The following LRRTM4 variants were observed in gnomAD, a reference collection of about 807,000 sequenced individuals.
The protein encoded by LRRTM4 is leucine rich repeat transmembrane neuronal 4.
A neutral mutation model predicts 47.6 loss-of-function variants in LRRTM4; 25 were observed. That is an observed-to-expected ratio of 0.53 (90% CI 0.38 to 0.73). The LOEUF (loss-of-function observed/expected upper bound fraction) is 0.73. Among genes scored for constraint, LRRTM4 ranks in the 30% least tolerant of loss-of-function variants. The pLI, the probability that LRRTM4 is intolerant of heterozygous loss-of-function variation, is 0.00. For synonymous variants in LRRTM4, 311 were observed against 269.5 expected, an observed-to-expected ratio of 1.15 and a Z score of -1.51; for missense variants, 638 against 713.4, an observed-to-expected ratio of 0.89 and a Z score of 1.20.
intron 3 of LRRTM4, among the ~76,000 whole-genome samples, chr2:76,856,659 A>G (rs1672160846): frequency 6.6e-6 from 1 of 152,160 alleles, no homozygotes; most frequent in Non-Finnish European, 1.5e-5. Context: ...ATTACTGCTT[A>G]TTTATCAGTA....
intron 3 of LRRTM4, among the ~76,000 whole-genome samples, chr2:77,225,531 T>C (rs1049727399): frequency 6.6e-6 from 1 of 152,028 alleles, no homozygotes. Flanking sequence ...TCCATAAATA[T>C]TAAATTGAGT....
At chr2:77,363,888 A>T (rs1672333830) in intron 3 of LRRTM4, among the ~76,000 whole-genome samples, 1 of 152,138 alleles carries the variant, frequency 6.6e-6, no homozygotes, top group Non-Finnish European at 1.5e-5. Flanking sequence ...TGAAAAGAAA[A>T]ATCTTTAAAC....
At chr2:77,098,728 A>G (rs1445949792) in intron 3 of LRRTM4, among the ~76,000 whole-genome samples, 1 of 151,980 alleles carries the variant, frequency 6.6e-6, no homozygotes, top group Non-Finnish European at 1.5e-5. Flanking sequence ...GATATAATCT[A>G]TGTAACACAT....
At chr2:77,324,819 A>T (rs1023657234) in intron 3 of LRRTM4, among the ~76,000 whole-genome samples, 3 of 152,198 alleles carry the variant, frequency 2.0e-5, no homozygotes, top group Non-Finnish European at 2.9e-5. Context: ...ACAGGCATAC[A>T]GGCAGATTTG....
chr2:77,479,110 G>T (rs984850769), intron 3 of LRRTM4, among the ~76,000 whole-genome samples: 2 of 152,000 alleles, frequency 1.3e-5, no homozygotes, highest in East Asian at 1.9e-4. Flanking sequence ...TGGTCAGGCT[G>T]GTCTCGAACT....
In LRRTM4 at chr2:76,933,410, T is replaced by C. The variant is rs150858408; in HGVS notation, c.1552-184494A>G. 9.9e-3 allele frequency among the ~76,000 whole-genome samples: 1,510 copies of C among 151,908 alleles called. 13 individuals are homozygous for C. Among genetic ancestry groups the C allele is most frequent in the Middle Eastern group, 0.02 (6 of 294 alleles). ...AAATACCTGCTTGCCTGCAGAGGTATATTTTTTTTTAGCATTGCTGTAAGG... is the reference window on the plus strand; with the variant it reads ...AAATACCTGCTTGCCTGCAGAGGTACATTTTTTTTTAGCATTGCTGTAAGG... On this transcript the variant is annotated intron_variant, in intron 3 of 3. Coordinates refer to ENST00000409884, the MANE Select transcript of LRRTM4 (RefSeq NM_001134745.3).
chr2:77,480,226 T>TA lies in LRRTM4; in HGVS notation c.1551+38091dup, dbSNP rs34817448. On this transcript the variant is annotated intron_variant, in intron 3 of 3. Transcript: ENST00000409884. Reference sequence around the variant, plus strand: ...AGTTGACATTTGTTAATTTCTACCTTAAAAAAAAAAAGATGATCAAGTAAA... The same window carrying TA: ...AGTTGACATTTGTTAATTTCTACCTTAAAAAAAAAAAAGATGATCAAGTAAA... Among the ~76,000 whole-genome samples, 761 of 146,610 alleles carry TA rather than the reference T, an allele frequency of 5.2e-3. 7 individuals are homozygous for TA. Among genetic ancestry groups the TA allele is most frequent in the South Asian group, 0.013 (58 of 4,634 alleles).
intron 3 of LRRTM4, among the ~76,000 whole-genome samples, chr2:77,042,676 A>C (rs1326754783): frequency 6.6e-6 from 1 of 151,578 alleles, no homozygotes; most frequent in African/African-American, 2.4e-5. Context: ...TATGATGATA[A>C]GTAAATTATG....
At chr2:77,513,976 G>A (rs552512287) in intron 3 of LRRTM4, among the ~76,000 whole-genome samples, 25 of 151,998 alleles carry the variant, frequency 1.6e-4, no homozygotes, top group East Asian at 3.9e-4. Flanking sequence ...TTAAATTGTC[G>A]TAAAAAAATT....
At chr2:76,855,432 T>C (rs1213629417) in intron 3 of LRRTM4, among the ~76,000 whole-genome samples, 1 of 152,214 alleles carries the variant, frequency 6.6e-6, no homozygotes, top group Non-Finnish European at 1.5e-5. Flanking sequence ...CATTTTGCCT[T>C]ATTTGATAAA....
At chr2:76,759,653 A>C (rs527578098) in intron 3 of LRRTM4, among the ~76,000 whole-genome samples, 21 of 152,118 alleles carry the variant, frequency 1.4e-4, no homozygotes, top group Admixed American at 2.6e-4. Context: ...GTGTATGTAG[A>C]AGTCAAAAAT....
chr2:77,078,851 T>C (rs1190527446), intron 3 of LRRTM4, among the ~76,000 whole-genome samples: 1 of 152,314 alleles, frequency 6.6e-6, no homozygotes, highest in Middle Eastern at 3.4e-3. Flanking sequence ...TATAAATGTA[T>C]TCCTCACAGT....
chr2:76,752,672 C>T (rs544580929), intron 3 of LRRTM4, among the ~76,000 whole-genome samples: 37 of 152,142 alleles, frequency 2.4e-4, no homozygotes, highest in Non-Finnish European at 4.6e-4. Context: ...CAACTGAATT[C>T]GTGGTTTCTG....
chr2:77,110,735 A>G (rs1362937414), intron 3 of LRRTM4, among the ~76,000 whole-genome samples: 2 of 152,202 alleles, frequency 1.3e-5, no homozygotes, highest in Admixed American at 6.5e-5. Context: ...GTATAAAAGC[A>G]TAGATAGGTG....
chr2:76,970,763 A>G (rs1023443224), intron 3 of LRRTM4, among the ~76,000 whole-genome samples: 1 of 152,040 alleles, frequency 6.6e-6, no homozygotes, highest in Non-Finnish European at 1.5e-5. Context: ...GAAAATGCTG[A>G]TTGGATTGGA....
intron 3 of LRRTM4, among the ~76,000 whole-genome samples, chr2:77,138,708 A>C (rs1672024984): frequency 6.6e-6 from 1 of 152,180 alleles, no homozygotes. Context: ...AAGATCAACA[A>C]AATTGATAGA....
At chr2:77,029,834 G>A (rs1320299632) in intron 3 of LRRTM4, among the ~76,000 whole-genome samples, 1 of 152,144 alleles carries the variant, frequency 6.6e-6, no homozygotes, top group East Asian at 1.9e-4. Context: ...CATCAGAAAA[G>A]GACATCAATG....
chr2:77,087,971 G>A (rs905215007), intron 3 of LRRTM4, among the ~76,000 whole-genome samples: 1 of 152,074 alleles, frequency 6.6e-6, no homozygotes, highest in Non-Finnish European at 1.5e-5. Flanking sequence ...TTATTGTTGA[G>A]TGCAACCCCA....
chr2:76,947,705 T>A (rs759066072), intron 3 of LRRTM4, among the ~76,000 whole-genome samples: 6 of 151,868 alleles, frequency 4.0e-5, no homozygotes, highest in Non-Finnish European at 5.9e-5. Flanking sequence ...CTACTTTTCA[T>A]AACCTACTTT....
Sources: allele counts gnomAD v4.1 joint callset (sites outside exome capture counted in the v4.1 genomes callset), GRCh38; gene constraint gnomAD v4.1.1; transcripts MANE v1.5; gene names NCBI Gene and HGNC (gene_info 2026-07-23, HGNC 2026-07-21).